Variants in DMD observed in about 807,000 individuals in gnomAD.
The protein encoded by DMD is dystrophin.
A neutral mutation model predicts 330.1 loss-of-function variants in DMD; 63 were observed. The ratio of observed to expected loss-of-function variants is 0.19; its 90% CI spans 0.16 to 0.24. The LOEUF is 0.24. DMD is among the 10% of genes least tolerant of loss of function. DMD has a pLI of 1.00. For synonymous variants in DMD, 1,223 were observed against 959.8 expected (o/e 1.27, Z -5.07); for missense variants, 3,344 against 2,684.1 (o/e 1.25, Z -5.43).
At chrX:31,133,004 C>A (rs186677030) in intron 77 of DMD, among the ~76,000 whole-genome samples, 2 of 112,143 alleles carry the variant, frequency 1.8e-5, no homozygotes, top group Non-Finnish European at 3.8e-5. Context: ...CTTAGCAACG[C>A]TCTACCAGAA....
intron 7 of DMD, among the ~76,000 whole-genome samples, chrX:32,804,881 G>A (rs765978088): frequency 5.4e-5 from 6 of 112,111 alleles, no homozygotes; most frequent in South Asian, 3.7e-4. Context: ...GCAGCAGAGG[G>A]GCCTGTTTGA....
chrX:31,192,373 C>T (rs776777991), intron 67 of DMD, among the ~76,000 whole-genome samples: 2 of 112,286 alleles, frequency 1.8e-5, no homozygotes, highest in Non-Finnish European at 3.8e-5. Flanking sequence ...CTATAGTGTA[C>T]GGACGCAAGG....
intron 56 of DMD, among the ~76,000 whole-genome samples, chrX:31,502,100 C>A (rs772436388): frequency 1.8e-5 from 2 of 111,385 alleles, no homozygotes; most frequent in Non-Finnish European, 3.8e-5. Context: ...TATCTCTCAC[C>A]ATATACAAAA....
At chrX:31,678,480 AT>A (rs1238431999) in intron 53 of DMD, among the ~76,000 whole-genome samples, 2 of 112,246 alleles carry the variant, frequency 1.8e-5, no homozygotes, top group South Asian at 3.7e-4. Context: ...GCAAAGCACT[AT>A]GCATGCTGCT....
At chrX:32,115,685 C>G (rs1265684864) in intron 44 of DMD, among the ~76,000 whole-genome samples, 1 of 111,530 alleles carries the variant, frequency 9.0e-6, no homozygotes, top group Admixed American at 9.5e-5. Flanking sequence ...CACCTTGTAC[C>G]CTAACTTTTT....
At chrX:32,533,846 G>A (rs1022556728) in intron 17 of DMD, among the ~76,000 whole-genome samples, 11 of 111,878 alleles carry the variant, frequency 9.8e-5, no homozygotes, top group African/African-American at 3.3e-4. Context: ...CTCTCTCAGT[G>A]TGAAAGGTCC....
intron 60 of DMD, among the ~76,000 whole-genome samples, chrX:31,382,006 A>G (rs1442921397): frequency 9.0e-6 from 1 of 111,634 alleles, no homozygotes; most frequent in Non-Finnish European, 1.9e-5. Context: ...TTCACTGGAT[A>G]GGTAGAGGCC....
chrX:31,439,862 T>A (rs1292601911), intron 60 of DMD, among the ~76,000 whole-genome samples: 2 of 111,803 alleles, frequency 1.8e-5, no homozygotes, highest in Non-Finnish European at 3.8e-5. Flanking sequence ...GGTCAAATAT[T>A]AGCATTAGTT....
At chrX:31,781,540 T>A (rs1603465243) in intron 50 of DMD, among the ~76,000 whole-genome samples, 1 of 112,087 alleles carries the variant, frequency 8.9e-6, no homozygotes, top group African/African-American at 3.2e-5. Flanking sequence ...TTGAGAAATA[T>A]CTCCAACCTG....
Position 31,204,074 on chromosome X carries a change from G to C in DMD, c.9694C>G (p.Arg3232Gly). 1 of 1,210,998 alleles carries C rather than the reference G, an allele frequency of 8.3e-7. No individual in the cohort carries two copies. Among genetic ancestry groups the C allele is most frequent in the Non-Finnish European group, 1.1e-6 (1 of 894,867 alleles). ...VASSTGFCDQ[R>G]RLGLLLHDSI... is the part of the protein sequence containing the mutation. The stretch of plus-strand genomic sequence containing the variant: ...TCATGCAGAAGGAGGCCCAGCCTGC[G>C]CTGGTCACAAAATCCTGTTGAACTT... The change falls in exon 67 of 79, where the codon CGC (arginine) becomes GGC (glycine). Residue 3232 changes from arginine (R) to glycine (G), a missense_variant. Transcript: ENST00000357033.
chrX:31,276,123 C>A (rs890569742), intron 62 of DMD, among the ~76,000 whole-genome samples: 1 of 112,203 alleles, frequency 8.9e-6, no homozygotes, highest in African/African-American at 3.2e-5. Context: ...GTGGCACGAT[C>A]TCGGCTCACT....
At position 32,518,137 on chromosome X, in the gene DMD, A is replaced by G; in HGVS notation, c.2169-6T>C. The G allele has an allele frequency of 8.3e-7, 1 of 1,205,228 alleles. No individual in the cohort carries two copies. Among genetic ancestry groups the G allele is most frequent in the Non-Finnish European group, 1.1e-6 (1 of 890,316 alleles). ...CAGTTATATCAACATCCAACCTAAG[A>G]CAGCAAAAAATAAAAGTCATTATTT... is the stretch of plus-strand genomic sequence containing the variant. On this transcript the variant is annotated splice_polypyrimidine_tract_variant and splice_region_variant and intron_variant, in intron 17 of 78. Coordinates refer to ENST00000357033, the MANE Select transcript of DMD (RefSeq NM_004006.3).
At chrX:31,855,032 T>G (rs1030434459) in intron 48 of DMD, among the ~76,000 whole-genome samples, 1 of 112,475 alleles carries the variant, frequency 8.9e-6, no homozygotes, top group East Asian at 2.8e-4. Context: ...AAAGAATGTC[T>G]GTTCACGGTC....
intron 1 of DMD, among the ~76,000 whole-genome samples, chrX:33,223,441 G>A (rs891836337): frequency 3.6e-5 from 4 of 112,318 alleles, no homozygotes; most frequent in African/African-American, 1.3e-4. Flanking sequence ...GAGATCAATG[G>A]AACAGAATAG....
chrX:32,696,175 A>T (rs2063641799), intron 9 of DMD, among the ~76,000 whole-genome samples: 1 of 111,836 alleles, frequency 8.9e-6, no homozygotes, highest in Non-Finnish European at 1.9e-5. Flanking sequence ...ATGGAATCAG[A>T]TCCAGCCTGT....
chrX:32,014,981 C>A (rs761205864), intron 44 of DMD, among the ~76,000 whole-genome samples: 1 of 111,892 alleles, frequency 8.9e-6, no homozygotes, highest in Non-Finnish European at 1.9e-5. Flanking sequence ...TTCTTAACAC[C>A]CTTGTGATTT....
At chrX:32,055,402 A>G (rs2096162514) in intron 44 of DMD, among the ~76,000 whole-genome samples, 1 of 112,258 alleles carries the variant, frequency 8.9e-6, no homozygotes, top group African/African-American at 3.2e-5. Context: ...TTCAAAAAGC[A>G]TATTTAAAAA....
At chrX:33,031,317 AC>A (rs1311175999) in intron 1 of DMD, among the ~76,000 whole-genome samples, 2 of 110,425 alleles carry the variant, frequency 1.8e-5, no homozygotes, top group African/African-American at 3.3e-5. Context: ...AAAAAAAAAA[AC>A]AATGGAACAA....
At chrX:32,633,496 C>G (rs2058883621) in intron 11 of DMD, among the ~76,000 whole-genome samples, 1 of 111,909 alleles carries the variant, frequency 8.9e-6, no homozygotes. Context: ...CTTCTGAGCC[C>G]TCCAAACTCA....
Sources: gnomAD v4.1 joint callset for allele counts (sites outside exome capture counted in the v4.1 genomes callset) on GRCh38, gnomAD v4.1.1 for gene constraint, MANE v1.5 for transcripts, NCBI Gene and HGNC (gene_info 2026-07-23, HGNC 2026-07-21) for gene names.